SFMBT2: variants seen among roughly 807,000 people sequenced by gnomAD.
SFMBT2 encodes Scm like with four mbt domains 2.
Under a neutral mutation model 110.1 loss-of-function variants are expected in SFMBT2, and 38 were observed. The observed-to-expected ratio is 0.35, with a 90% CI of 0.27 to 0.45. The LOEUF (loss-of-function observed/expected upper bound fraction) is 0.45. SFMBT2 is among the 20% of genes least tolerant of loss of function. The pLI is 1.00. For missense variants in SFMBT2, 1,011 were observed against 1,094.9 expected (o/e 0.92, Z 1.08); for synonymous variants, 425 against 425.4 (o/e 1.00, Z 0.01).
chr10:7,298,638 T>C (rs116450137), intron 4 of SFMBT2, among the ~76,000 whole-genome samples: 4,942 of 152,292 alleles, frequency 0.032, 258 homozygotes, highest in African/African-American at 0.11. Context: ...TGTGCATGCA[T>C]GTGTATGTAT....
chr10:7,317,006 C>T (rs1843034296), intron 4 of SFMBT2, among the ~76,000 whole-genome samples: 1 of 152,188 alleles, frequency 6.6e-6, no homozygotes, highest in Non-Finnish European at 1.5e-5. Flanking sequence ...TGTGGCAGAG[C>T]TCACAACTGT....
At chr10:7,375,751 CCACACACACACACACACACACA>C (rs35306837) in intron 2 of SFMBT2, among the ~76,000 whole-genome samples, 8 of 124,772 alleles carry the variant, frequency 6.4e-5, no homozygotes, top group East Asian at 2.5e-4. Flanking sequence ...AAAGAAAAAA[CCACACACACACACACACACACA>C]CACACACACA....
At chr10:7,372,138 G>A (rs1230516487) in intron 2 of SFMBT2, among the ~76,000 whole-genome samples, 1 of 151,934 alleles carries the variant, frequency 6.6e-6, no homozygotes, top group African/African-American at 2.4e-5. Context: ...GACTGGTCTC[G>A]AATTCCCGAC....
rs191390621 is a variant in SFMBT2 at position 7,348,351 on chromosome 10, C to T, written c.436+19298G>A. On this transcript the variant is annotated intron_variant, in intron 4 of 20. Coordinates refer to ENST00000397167, the MANE Select transcript of SFMBT2 (RefSeq NM_001387889.1). Reference sequence around the variant, plus strand: ...ACTCTCTACTACAAAAAAATAATCACAGATGGTTTTAATGGCTATAACTTG... The same window carrying T: ...ACTCTCTACTACAAAAAAATAATCATAGATGGTTTTAATGGCTATAACTTG... 2.4e-4 allele frequency: 362 copies of T among 1,516,140 alleles called. 2 individuals are homozygous for T. In the African/African-American group the frequency reaches 4.5e-3, roughly 19 times the overall value. 93.9% of individuals were successfully genotyped at this position (1,516,140 alleles called of 1,614,324 possible).
intron 6 of SFMBT2, among the ~76,000 whole-genome samples, chr10:7,277,742 TGC>T (rs1841829068): frequency 6.6e-6 from 1 of 152,240 alleles, no homozygotes; most frequent in Admixed American, 6.5e-5. Flanking sequence ...AAATAGGATT[TGC>T]AGAAGCCCTC....
intron 20 of SFMBT2, among the ~76,000 whole-genome samples, chr10:7,166,180 A>G (rs1388319271): frequency 2.0e-5 from 3 of 152,224 alleles, no homozygotes; most frequent in Non-Finnish European, 4.4e-5. Context: ...AATAGAACTT[A>G]TTTTACTTTC....
chr10:7,309,874 G>T (rs186659274), intron 4 of SFMBT2, among the ~76,000 whole-genome samples: 1 of 152,214 alleles, frequency 6.6e-6, no homozygotes, highest in East Asian at 1.9e-4. Context: ...AAGACCAAAA[G>T]ACCTAAATAT....
chr10:7,330,524 A>C (rs1399531310), intron 4 of SFMBT2, among the ~76,000 whole-genome samples: 1 of 152,196 alleles, frequency 6.6e-6, no homozygotes, highest in Non-Finnish European at 1.5e-5. Context: ...TTAGCACAGG[A>C]TGGCCCAGGA....
intron 10 of SFMBT2, among the ~76,000 whole-genome samples, chr10:7,220,993 A>AT (rs1368974259): frequency 1.3e-5 from 2 of 151,622 alleles, no homozygotes; most frequent in Non-Finnish European, 2.9e-5. Context: ...TGCCTGGCTA[A>AT]TTTTTTGTAT....
chr10:7,188,557 G>C, intron 16 of SFMBT2, 67 bp downstream of exon 16: 1 of 1,245,474 alleles, frequency 8.0e-7, no homozygotes. Context: ...AAGAGAAGTG[G>C]CAAGGTTCAA....
Position 7,294,435 on chromosome 10 carries a change from T to C in SFMBT2, c.437-8481A>G, listed in dbSNP as rs118109767. Among the ~76,000 whole-genome samples the C allele has an allele frequency of 3.4e-3, 520 of 152,350 alleles. 7 individuals are homozygous for C. In the East Asian group the frequency reaches 0.053, roughly 16 times the overall value. Reference sequence around the variant, plus strand: ...TTGCATTGTACAAGTATCTAGACTCTATCTGGACAGCCATGTGCCCAGCTA... The same window carrying C: ...TTGCATTGTACAAGTATCTAGACTCCATCTGGACAGCCATGTGCCCAGCTA... On this transcript the variant is annotated intron_variant, in intron 4 of 20. Coordinates refer to ENST00000397167, the MANE Select transcript of SFMBT2 (RefSeq NM_001387889.1).
intron 12 of SFMBT2, chr10:7,203,093 A>T: frequency 3.0e-6 from 3 of 985,438 alleles, no homozygotes; most frequent in Non-Finnish European, 3.6e-6. Context: ...AGATCACCTT[A>T]ACAAAAATAG....
chr10:7,409,340 C>G (rs1447020664), intron 1 of SFMBT2: 1 of 152,170 alleles, frequency 6.6e-6, no homozygotes. Flanking sequence ...ACACACAAGG[C>G]GAGAGCTAGC....
intron 9 of SFMBT2, among the ~76,000 whole-genome samples, chr10:7,228,764 CTCTCTCTCTCTCTCTCT>C (rs1223991315): frequency 2.2e-5 from 3 of 133,566 alleles, no homozygotes; most frequent in Admixed American, 7.6e-5. Flanking sequence ...CTCTCTCTCT[CTCTCTCTCTCTCTCTCT>C]CCCCCTCCCT....
At chr10:7,369,371 C>G (rs1030642423) in intron 3 of SFMBT2, among the ~76,000 whole-genome samples, 1 of 152,208 alleles carries the variant, frequency 6.6e-6, no homozygotes, top group African/African-American at 2.4e-5. Flanking sequence ...GACTAAATTT[C>G]CAGGACCCAA....
chr10:7,282,643 G>A (rs896354430), intron 6 of SFMBT2, among the ~76,000 whole-genome samples: 3 of 152,138 alleles, frequency 2.0e-5, no homozygotes, highest in South Asian at 2.1e-4. Flanking sequence ...ACCACATTAC[G>A]CGTCTCTAAG....
intron 4 of SFMBT2, among the ~76,000 whole-genome samples, chr10:7,324,715 G>A (rs1335725630): frequency 6.6e-6 from 1 of 152,206 alleles, no homozygotes; most frequent in African/African-American, 2.4e-5. Context: ...TCTGGAGGCT[G>A]GGAAGCCCCA....
At chr10:7,176,829 C>T (rs1368916341) in intron 16 of SFMBT2, among the ~76,000 whole-genome samples, 1 of 152,024 alleles carries the variant, frequency 6.6e-6, no homozygotes, top group Non-Finnish European at 1.5e-5. Flanking sequence ...CGAGTGAAGA[C>T]CCCCAGCCTT....
At chr10:7,252,288 C>G (rs1174610325) in intron 7 of SFMBT2, among the ~76,000 whole-genome samples, 1 of 152,186 alleles carries the variant, frequency 6.6e-6, no homozygotes, top group Non-Finnish European at 1.5e-5. Flanking sequence ...AGTCATCTAG[C>G]AGACACCAGG....
Sources: gnomAD v4.1 joint callset for allele counts (sites outside exome capture counted in the v4.1 genomes callset) on GRCh38, gnomAD v4.1.1 for gene constraint, MANE v1.5 for transcripts, NCBI Gene and HGNC (gene_info 2026-07-23, HGNC 2026-07-21) for gene names.